SMOX: variants seen among roughly 807,000 people sequenced by gnomAD.
SMOX encodes flavin containing amine oxidase.
Under a neutral mutation model 51.0 loss-of-function variants are expected in SMOX, and 22 were observed. That is an observed-to-expected ratio of 0.43 (90% CI 0.31 to 0.62). The LOEUF (loss-of-function observed/expected upper bound fraction) is 0.62. Ranked by LOEUF, SMOX falls within the 20% of genes least tolerant of loss-of-function variation. The probability of loss-of-function intolerance (pLI) is 0.10; values close to 1 mark genes in which losing one functional copy is unlikely to be tolerated. For missense variants in SMOX, 566 were observed against 777.7 expected (o/e 0.73, Z 3.24); for synonymous variants, 282 against 307.8 (o/e 0.92, Z 0.88).
intron 1 of SMOX, among the ~76,000 whole-genome samples, chr20:4,168,512 T>G (rs1312503439): frequency 6.6e-6 from 1 of 151,234 alleles, no homozygotes; most frequent in Non-Finnish European, 1.5e-5. Flanking sequence ...GAATAGCCTG[T>G]GTTCGGAGGG....
At chr20:4,176,429 G>A (rs544918685) in intron 2 of SMOX, among the ~76,000 whole-genome samples, 1 of 152,322 alleles carries the variant, frequency 6.6e-6, no homozygotes, top group East Asian at 1.9e-4. Context: ...AAGTCACGTT[G>A]CAAAGGGGTG....
rs757477834 is a variant in SMOX, at chr20:4,182,130, G to A, written c.651G>A (p.Val217=). Residue 217 remains valine (V), a synonymous_variant, in exon 5 of 7, where the codon GTG becomes GTA. Transcript: ENST00000305958. The surrounding 1 kb of genome is among the most constrained non-coding windows in gnomAD (Gnocchi z 8.4). Reference sequence around the variant, plus strand: ...GCAGCTCACACAGCATGGACGAGGTGTCCCTGAGCGCCTTCGGGGAGTGGA... The same window carrying A: ...GCAGCTCACACAGCATGGACGAGGTATCCCTGAGCGCCTTCGGGGAGTGGA... ...CESSSHSMDE[V]SLSAFGEWTE... The A allele has an allele frequency of 1.7e-5, 27 of 1,607,498 alleles. No homozygotes were observed. In the Admixed American group the frequency reaches 2.5e-4, roughly 15 times the overall value.
rs1979293342 is a variant in SMOX at position 4,181,205 on chromosome 20, T to C, written c.436-598T>C. Among the ~76,000 whole-genome samples the C allele has an allele frequency of 6.6e-6, 1 of 152,172 alleles. No individual in the cohort carries two copies. The highest frequency in any genetic ancestry group is 1.5e-5 in the Non-Finnish European group (1 of 68,022). On this transcript the variant is annotated intron_variant, in intron 3 of 6. Coordinates refer to ENST00000305958, the MANE Select transcript of SMOX (RefSeq NM_175839.3). The surrounding 1 kb of genome is among the most constrained non-coding windows in gnomAD (Gnocchi z 5.6). ...CCTCCTGAGACCCTGGCTTTTGTGT[T>C]CCTGTCTTCCCCACTGCGTCTCAGC...
At position 4,149,981 on chromosome 20, in the gene SMOX, A is replaced by G. The variant is rs1985652697; in HGVS notation, c.-27+1004A>G. 1.3e-5 allele frequency among the ~76,000 whole-genome samples: 2 copies of G among 152,244 alleles called. No individual in the cohort carries two copies. Among genetic ancestry groups the G allele is most frequent in the South Asian group, 4.1e-4 (2 of 4,820 alleles). On this transcript the variant is annotated intron_variant, in intron 1 of 6. Transcript: ENST00000305958. The surrounding 1 kb of genome is among the most constrained non-coding windows in gnomAD (Gnocchi z 6.0). ...CACCACTGCCCCCTGGCCTCTTGTT[A>G]GGCGGAGAGGGCATCCCAATTCCTG...
intron 2 of SMOX, among the ~76,000 whole-genome samples, chr20:4,175,584 G>T (rs1342872588): frequency 2.0e-5 from 3 of 152,154 alleles, no homozygotes; most frequent in Non-Finnish European, 4.4e-5. Flanking sequence ...AAATTCTTCT[G>T]CAAGGTCCTA....
chr20:4,179,960 C>T (rs963933642), intron 3 of SMOX, among the ~76,000 whole-genome samples: 17 of 152,284 alleles, frequency 1.1e-4, no homozygotes, highest in Non-Finnish European at 8.8e-5. Flanking sequence ...AGGCTGCCCT[C>T]GTTGGTGGCT....
chr20:4,150,580 C>T (rs571756214), intron 1 of SMOX, among the ~76,000 whole-genome samples: 12 of 152,292 alleles, frequency 7.9e-5, no homozygotes, highest in East Asian at 7.7e-4. Context: ...AACCCTTCCC[C>T]GTTTCATTCT....
At chr20:4,158,372 A>T (rs1474517837) in intron 1 of SMOX, among the ~76,000 whole-genome samples, 1 of 152,036 alleles carries the variant, frequency 6.6e-6, no homozygotes, top group Non-Finnish European at 1.5e-5. Context: ...TCAAGCATGT[A>T]GGAGCCCAGT....
rs1328062059 is a variant in SMOX, at chr20:4,170,493, G to A, written c.-26-4537G>A. Among the ~76,000 whole-genome samples, 1 of 152,062 alleles carries A rather than the reference G, an allele frequency of 6.6e-6. No individual in the cohort carries two copies. Among genetic ancestry groups the A allele is most frequent in the Non-Finnish European group, 1.5e-5 (1 of 68,014 alleles). ...TTCACTTTTTTTTTTCTGAGACAGG[G>A]TCTCACTCTGTTGCCCAGGCTGGAG... On this transcript the variant is annotated intron_variant, in intron 1 of 6. Coordinates refer to ENST00000305958, the MANE Select transcript of SMOX (RefSeq NM_175839.3). The surrounding 1 kb of genome is among the most constrained non-coding windows in gnomAD (Gnocchi z 4.6).
At chr20:4,163,621 C>G (rs1986432544) in intron 1 of SMOX, among the ~76,000 whole-genome samples, 1 of 152,206 alleles carries the variant, frequency 6.6e-6, no homozygotes, top group Non-Finnish European at 1.5e-5. Flanking sequence ...TTGGGTGGTT[C>G]TGGCTCGGGG....
Position 4,181,709 on chromosome 20 carries a change from G to C in SMOX, c.436-94G>C. 1 of 1,429,482 alleles carries C rather than the reference G, an allele frequency of 7.0e-7. No homozygotes were observed. The highest frequency in any genetic ancestry group is 1.9e-5 in the Admixed American group (1 of 52,756). 88.5% of individuals were successfully genotyped at this position (1,429,482 alleles called of 1,614,324 possible). On this transcript the variant is annotated intron_variant, in intron 3 of 6. Coordinates refer to ENST00000305958, the MANE Select transcript of SMOX (RefSeq NM_175839.3). This position sits in a 1 kb window ranked among gnomAD's most constrained non-coding sequence, Gnocchi z 5.6. ...GACCAGGGGCTCAGTGCATCCAGGGGACACCTGGGAACTGGTGGGTTTGGG... is the reference window on the plus strand; with the variant it reads ...GACCAGGGGCTCAGTGCATCCAGGGCACACCTGGGAACTGGTGGGTTTGGG...
At chr20:4,163,164 T>C (rs1339726794) in intron 1 of SMOX, among the ~76,000 whole-genome samples, 3 of 151,334 alleles carry the variant, frequency 2.0e-5, no homozygotes, top group Non-Finnish European at 2.9e-5. Flanking sequence ...AACTGGAACC[T>C]GAGCCTTGGC....
At chr20:4,178,034 A>G (rs1426690261) in intron 3 of SMOX, among the ~76,000 whole-genome samples, 1 of 152,016 alleles carries the variant, frequency 6.6e-6, no homozygotes, top group Non-Finnish European at 1.5e-5. Flanking sequence ...TGAATATTTA[A>G]TTTTTTGTTG....
rs1985579940 is a variant in SMOX at position 4,148,971 on chromosome 20, G to C, written c.-33G>C. 6.6e-6 allele frequency: 1 copy of C among 151,852 alleles called. No homozygotes were observed. Among genetic ancestry groups the C allele is most frequent in the South Asian group, 2.1e-4 (1 of 4,834 alleles). 9.4% of individuals were successfully genotyped at this position (151,852 alleles called of 1,614,324 possible). ...GCAGACTTACTTCCCCGGCTCAGCA[G>C]GGAAAGGTACGGTGCGCCCGCTCTC... On this transcript the variant is annotated 5_prime_UTR_variant, in exon 1 of 7. Coordinates refer to ENST00000305958, the MANE Select transcript of SMOX (RefSeq NM_175839.3).
rs1019076661 is a variant in SMOX at position 4,175,411 on chromosome 20, C to T, written c.208+148C>T. The stretch of plus-strand genomic sequence containing the variant: ...CTGGGCATTTTCCAGAAGCTTCCTT[C>T]GCTCCTCGTGGCAGCCCTCTGAGGC... On this transcript the variant is annotated intron_variant, in intron 2 of 6. Transcript: ENST00000305958. The T allele has an allele frequency of 3.8e-5, 37 of 966,288 alleles. 2 individuals are homozygous for T. Among genetic ancestry groups the T allele is most frequent in the Admixed American group, 3.1e-4 (12 of 38,182 alleles). The allele number at this position is 966,288 out of a possible 1,614,324, so 59.9% of individuals were successfully genotyped here.
intron 1 of SMOX, among the ~76,000 whole-genome samples, chr20:4,151,431 A>T (rs1293569338): frequency 6.6e-6 from 1 of 152,076 alleles, no homozygotes; most frequent in Non-Finnish European, 1.5e-5. Context: ...TAAAATCTCA[A>T]AGCTTTCCCT....
intron 1 of SMOX, among the ~76,000 whole-genome samples, chr20:4,156,931 T>G (rs1741303): frequency 1.3e-5 from 2 of 151,862 alleles, no homozygotes; most frequent in African/African-American, 4.8e-5. Context: ...TTAGTAGAGG[T>G]GGGGTTTCAC....
In SMOX at chr20:4,172,571, G is replaced by A. The variant is rs1204518747; in HGVS notation, c.-26-2459G>A. On this transcript the variant is annotated intron_variant, in intron 1 of 6. Transcript: ENST00000305958. This position sits in a 1 kb window ranked among gnomAD's most constrained non-coding sequence, Gnocchi z 7.7. ...GTCAGAGGACAGAGGCGGGGAGGAGGAAAGGGCCGGAGCCGCCCTGCTCCC... is the reference window on the plus strand; with the variant it reads ...GTCAGAGGACAGAGGCGGGGAGGAGAAAAGGGCCGGAGCCGCCCTGCTCCC... 2.6e-5 allele frequency among the ~76,000 whole-genome samples: 4 copies of A among 152,042 alleles called. No homozygotes were observed. The highest frequency in any genetic ancestry group is 2.6e-4 in the Admixed American group (4 of 15,284).
Position 4,184,279 on chromosome 20 carries a change from A to G in SMOX, c.1530+625A>G, listed in dbSNP as rs563677016. ...CTGAAGTGCTAGGATTATAGGAATG[A>G]GCCACCACACTTGGCCAATACAGTA... On this transcript the variant is annotated intron_variant, in intron 6 of 6. Transcript: ENST00000305958. Among the ~76,000 whole-genome samples, 6 of 151,934 alleles carry G rather than the reference A, an allele frequency of 3.9e-5. No individual in the cohort carries two copies. The South Asian group carries it at 6.2e-4, about 16-fold the overall frequency.
Sources: gnomAD v4.1 joint callset for allele counts (sites outside exome capture counted in the v4.1 genomes callset) on GRCh38, gnomAD v4.1.1 for gene constraint, Gnocchi (gnomAD v3.1) non-coding constraint, MANE v1.5 for transcripts, NCBI Gene and HGNC (gene_info 2026-07-23, HGNC 2026-07-21) for gene names.